Variants in SNX29 observed in about 807,000 individuals in gnomAD.
The protein encoded by SNX29 is sorting nexin 29.
In SNX29, 78 loss-of-function variants were observed where a neutral mutation model predicts 102.1. That is an observed-to-expected ratio of 0.76 (90% CI 0.64 to 0.92). SNX29 has a LOEUF of 0.92. Among genes scored for constraint, SNX29 ranks in the 40% least tolerant of loss-of-function variants. The probability of loss-of-function intolerance (pLI) is 0.00; values close to 1 mark genes in which losing one functional copy is unlikely to be tolerated. For synonymous variants in SNX29, 580 were observed against 414.5 expected, an observed-to-expected ratio of 1.40 and a Z score of -4.85; for missense variants, 1,280 against 1,061.7, an observed-to-expected ratio of 1.21 and a Z score of -2.86.
chr16:11,989,292 G>T (rs576496606), intron 1 of SNX29, among the ~76,000 whole-genome samples: 1 of 152,218 alleles, frequency 6.6e-6, no homozygotes, highest in African/African-American at 2.4e-5. Context: ...GTAAATTGAT[G>T]GTCCCCATTC....
At chr16:12,181,734 T>G (rs1446668566) in intron 13 of SNX29, among the ~76,000 whole-genome samples, 1 of 152,064 alleles carries the variant, frequency 6.6e-6, no homozygotes, top group Non-Finnish European at 1.5e-5. Context: ...TCAGGGCTTT[T>G]CATCAGATCT....
At chr16:11,990,327 CT>C (rs1210913821) in intron 1 of SNX29, among the ~76,000 whole-genome samples, 3 of 152,172 alleles carry the variant, frequency 2.0e-5, no homozygotes, top group Non-Finnish European at 2.9e-5. Context: ...CTGTGAGGTA[CT>C]GTCTGCTAGA....
intron 13 of SNX29, among the ~76,000 whole-genome samples, chr16:12,138,913 G>T (rs756458652): frequency 6.6e-6 from 1 of 152,024 alleles, no homozygotes; most frequent in Non-Finnish European, 1.5e-5. Context: ...AATACAGAAG[G>T]CTTTGTTGGT....
intron 20 of SNX29, among the ~76,000 whole-genome samples, chr16:12,561,820 A>T (rs1262940231): frequency 6.6e-6 from 1 of 152,080 alleles, no homozygotes; most frequent in African/African-American, 2.4e-5. Context: ...ACCGCAGCTT[A>T]CATCCTTCTC....
intron 13 of SNX29, among the ~76,000 whole-genome samples, chr16:12,138,311 A>G (rs1197975224): frequency 6.7e-6 from 1 of 150,206 alleles, no homozygotes; most frequent in East Asian, 2.0e-4. Context: ...AGGTTCAAGC[A>G]ATTCTCCTGC....
At chr16:12,544,856 A>ATTT (rs2077515017) in intron 20 of SNX29, among the ~76,000 whole-genome samples, 1 of 152,240 alleles carries the variant, frequency 6.6e-6, no homozygotes, top group Non-Finnish European at 1.5e-5. Flanking sequence ...GCCCACATGC[A>ATTT]GCCAGTGTCA....
In SNX29 at chr16:12,572,198, A is replaced by G. The variant is rs1300246707; in HGVS notation, c.*3569A>G. Reference sequence around the variant, plus strand: ...ATTTCTTAGAACCATGGCAGGTAGTATTGTGCTTTAAAAACCAGAGGCTCC... The same window carrying G: ...ATTTCTTAGAACCATGGCAGGTAGTGTTGTGCTTTAAAAACCAGAGGCTCC... On this transcript the variant is annotated 3_prime_UTR_variant, in exon 21 of 21. Transcript: ENST00000566228. 8 of 964,752 alleles carry G rather than the reference A, an allele frequency of 8.3e-6. No individual in the cohort carries two copies. The highest frequency in any genetic ancestry group is 1.0e-4 in the South Asian group (2 of 19,932). 59.8% of individuals were successfully genotyped at this position (964,752 alleles called of 1,614,324 possible). A position where few individuals can be genotyped will look rare whatever the true frequency, so the allele number is the denominator to read the frequency against.
chr16:12,054,684 A>C (rs1275130311), intron 8 of SNX29, among the ~76,000 whole-genome samples: 1 of 152,132 alleles, frequency 6.6e-6, no homozygotes, highest in Non-Finnish European at 1.5e-5. Flanking sequence ...TGGACTGCGG[A>C]TCATGGGACT....
intron 13 of SNX29, among the ~76,000 whole-genome samples, chr16:12,132,251 A>C (rs141337061): frequency 1.0e-3 from 152 of 152,198 alleles, no homozygotes; most frequent in African/African-American, 3.3e-3. Flanking sequence ...GGTGCCCGCC[A>C]CTATGCCCGG....
intron 20 of SNX29, 46 bp from the exon 21 acceptor site, chr16:12,568,460 G>A: frequency 5.6e-6 from 9 of 1,602,788 alleles, no homozygotes; most frequent in East Asian, 2.2e-5. Flanking sequence ...GTGGTCATTT[G>A]CTTTTCATCC....
intron 14 of SNX29, among the ~76,000 whole-genome samples, chr16:12,245,924 ACTTG>A (rs988472877): frequency 2.6e-5 from 4 of 152,162 alleles, no homozygotes; most frequent in African/African-American, 9.7e-5. Context: ...TGGGAGAGTA[ACTTG>A]CTTAAGCCCC....
intron 14 of SNX29, among the ~76,000 whole-genome samples, chr16:12,257,937 G>A (rs931620292): frequency 6.6e-6 from 1 of 152,164 alleles, no homozygotes; most frequent in African/African-American, 2.4e-5. Context: ...AGTCCTGCCA[G>A]TTCCAAAATA....
chr16:12,480,727 A>C lies in SNX29; in HGVS notation c.2178+2868A>C, dbSNP rs77043105. 1.3e-3 allele frequency among the ~76,000 whole-genome samples: 195 copies of C among 152,300 alleles called. 4 individuals are homozygous for C. The highest frequency in any genetic ancestry group is 4.6e-3 in the African/African-American group (190 of 41,554). ...AACTTAAGACAAAATAAATCTCATC[A>C]GTCCTGAAAACACTGGATTTGAGTT... On this transcript the variant is annotated intron_variant, in intron 19 of 20. Coordinates refer to ENST00000566228, the MANE Select transcript of SNX29 (RefSeq NM_032167.5).
At chr16:12,281,756 C>T (rs141352965) in intron 15 of SNX29, among the ~76,000 whole-genome samples, 3 of 152,136 alleles carry the variant, frequency 2.0e-5, no homozygotes, top group African/African-American at 7.2e-5. Context: ...GTAACTTTCC[C>T]AAGAGTCCTT....
At chr16:12,469,438 A>G (rs1037730584) in intron 18 of SNX29, among the ~76,000 whole-genome samples, 10 of 152,226 alleles carry the variant, frequency 6.6e-5, no homozygotes, top group African/African-American at 1.7e-4. Flanking sequence ...TTCCCTGGCT[A>G]TTGAGGAAGC....
chr16:12,292,544 G>A (rs948080629), intron 15 of SNX29, among the ~76,000 whole-genome samples: 1 of 152,188 alleles, frequency 6.6e-6, no homozygotes, highest in Non-Finnish European at 1.5e-5. Context: ...AGTTTTGTCA[G>A]GTCAGTGGTG....
At chr16:12,229,192 C>G (rs974093847) in intron 14 of SNX29, among the ~76,000 whole-genome samples, 2 of 152,220 alleles carry the variant, frequency 1.3e-5, no homozygotes, top group Non-Finnish European at 2.9e-5. Flanking sequence ...TTTTCGGTTT[C>G]TCCACTAGTC....
rs192168589 is a variant in SNX29, at chr16:12,494,319, A to G, written c.2178+16460A>G. Among the ~76,000 whole-genome samples the G allele has an allele frequency of 3.3e-5, 5 of 152,148 alleles. No individual in the cohort carries two copies. In the East Asian group the frequency reaches 9.7e-4, roughly 29 times the overall value. ...CCGTTCCCTTTGCAGCCCCCAAAGC[A>G]TTGGTGCACACGCTTGTTTAATTGT... On this transcript the variant is annotated intron_variant, in intron 19 of 20. Transcript: ENST00000566228.
At chr16:12,264,418 C>T (rs966116423) in intron 14 of SNX29, among the ~76,000 whole-genome samples, 1 of 152,208 alleles carries the variant, frequency 6.6e-6, no homozygotes, top group Non-Finnish European at 1.5e-5. Flanking sequence ...GTTTCCGCCT[C>T]TGATATGTAT....
Sources: gnomAD v4.1 joint callset for allele counts (sites outside exome capture counted in the v4.1 genomes callset) on GRCh38, gnomAD v4.1.1 for gene constraint, MANE v1.5 for transcripts, NCBI Gene and HGNC (gene_info 2026-07-23, HGNC 2026-07-21) for gene names.